Variants in MCFD2 observed in about 807,000 individuals in gnomAD.
MCFD2 encodes multiple coagulation factor deficiency 2, ER cargo receptor complex subunit, also known as multiple coagulation factor deficiency protein 2.
MCFD2 carries 11 observed loss-of-function variants against 12.8 expected under a neutral mutation model. That is an observed-to-expected ratio of 0.86 (90% CI 0.54 to 1.42). The LOEUF (loss-of-function observed/expected upper bound fraction) is 1.42, where lower values mean the gene tolerates loss of function less well. Among genes scored for constraint, MCFD2 ranks in the 40% most tolerant of loss-of-function variants. The probability of loss-of-function intolerance (pLI) is 0.00; values close to 1 mark genes in which losing one functional copy is unlikely to be tolerated. For synonymous variants in MCFD2, 70 were observed against 68.1 expected (o/e 1.03, Z -0.14); for missense variants, 191 against 178.6 (o/e 1.07, Z -0.40).
intron 1 of MCFD2, among the ~76,000 whole-genome samples, chr2:46,922,240 T>C (rs1258731816): frequency 6.6e-6 from 1 of 152,198 alleles, no homozygotes; most frequent in Non-Finnish European, 1.5e-5. Flanking sequence ...GCATTAGGCC[T>C]ATACCATTTC....
chr2:46,924,692 T>C (rs1669292761), intron 1 of MCFD2, among the ~76,000 whole-genome samples: 1 of 152,140 alleles, frequency 6.6e-6, no homozygotes, highest in African/African-American at 2.4e-5. Flanking sequence ...AGTGGTGCGA[T>C]CTCAGCACAC....
chr2:46,912,276 T>C (rs944936120), intron 1 of MCFD2, among the ~76,000 whole-genome samples: 6 of 152,166 alleles, frequency 3.9e-5, no homozygotes, highest in Admixed American at 2.6e-4. Context: ...GAGGCAGAGA[T>C]TGCAGTGAGC....
intron 1 of MCFD2, among the ~76,000 whole-genome samples, chr2:46,922,926 A>G (rs1669181356): frequency 6.6e-6 from 1 of 152,174 alleles, no homozygotes; most frequent in African/African-American, 2.4e-5. Context: ...GGCCCCTAAA[A>G]CATCTGACTG....
chr2:46,932,676 G>A (rs1669768531), intron 1 of MCFD2, among the ~76,000 whole-genome samples: 1 of 152,054 alleles, frequency 6.6e-6, no homozygotes, highest in Non-Finnish European at 1.5e-5. Flanking sequence ...CAAGATGGGT[G>A]GATCACCTGA....
chr2:46,941,732 A>T lies in MCFD2; in HGVS notation c.-168T>A. The T allele has an allele frequency of 6.5e-7, 1 of 1,549,424 alleles. No individual in the cohort carries two copies. Among genetic ancestry groups the T allele is most frequent in the Non-Finnish European group, 8.7e-7 (1 of 1,146,738 alleles). ...TTCACCTTTCCGGACACCGGTGAGT[A>T]AGGGAAGAGGCTGGCTCGCCGGCAG... On this transcript the variant is annotated 5_prime_UTR_variant, in exon 1 of 3. Coordinates refer to the MCFD2 transcript ENST00000409147. The surrounding 1 kb of genome is among the most constrained non-coding windows in gnomAD (Gnocchi z 4.2).
chr2:46,935,655 C>T (rs1669942146), intron 1 of MCFD2, among the ~76,000 whole-genome samples: 1 of 152,164 alleles, frequency 6.6e-6, no homozygotes, highest in South Asian at 2.1e-4. Flanking sequence ...CAACTGAGAC[C>T]TCCTCAACAC....
chr2:46,941,062 G>C lies in MCFD2; in HGVS notation c.-8+510C>G, dbSNP rs1006971856. 1.3e-5 allele frequency: 2 copies of C among 150,362 alleles called. No individual in the cohort carries two copies. The highest frequency in any genetic ancestry group is 3.0e-5 in the Non-Finnish European group (2 of 67,148). 9.3% of individuals were successfully genotyped at this position (150,362 alleles called of 1,614,324 possible). On this transcript the variant is annotated intron_variant, in intron 1 of 2. Coordinates refer to the MCFD2 transcript ENST00000409147. The surrounding 1 kb of genome is among the most constrained non-coding windows in gnomAD (Gnocchi z 4.2). ...CGGCGGGGGCGGCGGCGGGGGGCGG[G>C]TACCCGGGCGGCCGCGAGCGCCCTT...
At position 46,907,812 on chromosome 2, in the gene MCFD2, C is replaced by T; in HGVS notation, c.307G>A (p.Glu103Lys). ...CCCCAAGCCACTGCCAGACCTACCT[C>T]CTTATGGACATGAGTGATGGCTGTG... ...LSTAITHVHKEEGSEQAPLMS... is the reference protein window; with the variant it reads ...LSTAITHVHKKEGSEQAPLMS... The change falls in exon 3 of 4, where the codon GAG becomes AAG. Residue 103 changes from glutamate to lysine, a missense_variant and splice_region_variant. By Grantham distance (56) the Glu-to-Lys change is moderately conservative. Coordinates refer to ENST00000319466, the MANE Select transcript of MCFD2 (RefSeq NM_139279.6). The surrounding 1 kb of genome is among the most constrained non-coding windows in gnomAD (Gnocchi z 4.1). The T allele has an allele frequency of 2.5e-6, 4 of 1,614,136 alleles. No individual in the cohort carries two copies. The highest frequency in any genetic ancestry group is 3.4e-6 in the Non-Finnish European group (4 of 1,180,004).
intron 1 of MCFD2, among the ~76,000 whole-genome samples, chr2:46,936,533 C>CCACAGGATA (rs1669987581): frequency 6.6e-6 from 1 of 152,148 alleles, no homozygotes; most frequent in Non-Finnish European, 1.5e-5. Flanking sequence ...GGGTCCTGAG[C>CCACAGGATA]CACAGGATAC....
intron 1 of MCFD2, among the ~76,000 whole-genome samples, chr2:46,932,404 C>T (rs1669752289): frequency 1.3e-5 from 2 of 152,148 alleles, no homozygotes; most frequent in African/African-American, 4.8e-5. Flanking sequence ...GCACCTTGGC[C>T]TCCCAAAGTG....
At chr2:46,906,283 A>G (rs987254101) in intron 3 of MCFD2, among the ~76,000 whole-genome samples, 11 of 151,966 alleles carry the variant, frequency 7.2e-5, no homozygotes, top group African/African-American at 2.7e-4. Context: ...TCTGTCTCCC[A>G]CAACCAAGGA....
Position 46,905,507 on chromosome 2 carries a change from C to T in MCFD2, c.397G>A (p.Asp133Asn). 1.9e-6 allele frequency: 3 copies of T among 1,613,424 alleles called. No individual in the cohort carries two copies. Among genetic ancestry groups the T allele is most frequent in the Non-Finnish European group, 2.5e-6 (3 of 1,179,920 alleles). The change falls in exon 4 of 4, where the codon GAT (aspartate) becomes AAT (asparagine). Residue 133 changes from aspartate (D) to asparagine (N), a missense_variant. Asp to Asn is a conservative substitution (Grantham distance 23). Coordinates refer to ENST00000319466, the MANE Select transcript of MCFD2 (RefSeq NM_139279.6). ...AATTCAGCATAGTCAATGTATCCAT[C>T]ATTGTTCTTGTCATCATCTCTCAAA... Reference protein sequence around the residue: ...GVLRDDDKNNDGYIDYAEFAK... With the variant: ...GVLRDDDKNNNGYIDYAEFAK...
intron 1 of MCFD2, among the ~76,000 whole-genome samples, chr2:46,923,982 C>T (rs1459504798): frequency 2.6e-5 from 4 of 151,988 alleles, no homozygotes; most frequent in Non-Finnish European, 5.9e-5. Context: ...GTGATCCACC[C>T]GCCTCGGCCT....
At chr2:46,932,857 C>T (rs1015763933) in intron 1 of MCFD2, among the ~76,000 whole-genome samples, 8 of 147,450 alleles carry the variant, frequency 5.4e-5, no homozygotes, top group African/African-American at 2.0e-4. Flanking sequence ...GCGCAGATCG[C>T]ACCACTGCAC....
rs1433316078 is a variant in MCFD2 at position 46,941,607 on chromosome 2, C to T, written c.-43G>A. 1.9e-6 allele frequency: 3 copies of T among 1,556,514 alleles called. No homozygotes were observed. Among genetic ancestry groups the T allele is most frequent in the Admixed American group, 3.9e-5 (2 of 51,888 alleles). On this transcript the variant is annotated 5_prime_UTR_variant, in exon 1 of 3. Transcript: ENST00000409147. The surrounding 1 kb of genome is among the most constrained non-coding windows in gnomAD (Gnocchi z 4.2). ...AGAGCGAGCTGGAGCGCTGCCGCGC[C>T]GAGGGCCACTGGGACCGCATGCCGG...
chr2:46,915,853 C>A, upstream of MCFD2: 1 of 977,590 alleles, frequency 1.0e-6, no homozygotes, highest in Non-Finnish European at 1.2e-6. Context: ...CGCGCGCTCC[C>A]TGCCGCCCGC....
chr2:46,941,626 A>G lies in MCFD2; in HGVS notation c.-62T>C, dbSNP rs976227149. The G allele has an allele frequency of 1.0e-5, 16 of 1,555,450 alleles. No homozygotes were observed. Among genetic ancestry groups the G allele is most frequent in the Non-Finnish European group, 1.4e-5 (16 of 1,150,118 alleles). On this transcript the variant is annotated 5_prime_UTR_variant, in exon 1 of 3. Transcript: ENST00000409147. This position sits in a 1 kb window ranked among gnomAD's most constrained non-coding sequence, Gnocchi z 4.2. ...CCGCGCCGAGGGCCACTGGGACCGC[A>G]TGCCGGAGCTGGTCCGGCAGCTGCA...
At chr2:46,926,324 C>G (rs547977036) in intron 1 of MCFD2, among the ~76,000 whole-genome samples, 2 of 152,116 alleles carry the variant, frequency 1.3e-5, no homozygotes, top group Non-Finnish European at 2.9e-5. Flanking sequence ...CAGTGGAGAT[C>G]GGAGTAAGTG....
upstream of MCFD2, among the ~76,000 whole-genome samples, chr2:46,919,804 G>A (rs1436970363): frequency 6.6e-6 from 1 of 152,224 alleles, no homozygotes; most frequent in Non-Finnish European, 1.5e-5. Flanking sequence ...TTAATACACT[G>A]CCACCAAAGA....
Sources: gnomAD v4.1 joint callset for allele counts (sites outside exome capture counted in the v4.1 genomes callset) on GRCh38, gnomAD v4.1.1 for gene constraint, Gnocchi (gnomAD v3.1) non-coding constraint, MANE v1.5 for transcripts, NCBI Gene and HGNC (gene_info 2026-07-23, HGNC 2026-07-21) for gene names.